CHURC1: variants seen among roughly 807,000 people sequenced by gnomAD.
CHURC1 encodes the protein churchill domain containing 1.
In CHURC1, 12 loss-of-function variants were observed where a neutral mutation model predicts 15.4. The observed-to-expected ratio is 0.78, with a 90% confidence interval of 0.50 to 1.27. The LOEUF is 1.27. Ranked by LOEUF, CHURC1 falls within the 50% of genes most tolerant of loss-of-function variation. The pLI is 0.00. For missense variants in CHURC1, 132 were observed against 137.8 expected, an observed-to-expected ratio of 0.96 and a Z score of 0.21; for synonymous variants, 42 against 47.5, an observed-to-expected ratio of 0.88 and a Z score of 0.48.
At chr14:64,926,124 G>A in intron 3 of CHURC1, 44 bp downstream of exon 3, 1 of 1,398,448 alleles carries the variant, frequency 7.2e-7, no homozygotes, top group Non-Finnish European at 9.8e-7. Flanking sequence ...GGGAGGTTAG[G>A]GGAATAATAA....
chr14:64,925,011 C>G (rs1158926519), intron 2 of CHURC1, among the ~76,000 whole-genome samples: 4 of 152,094 alleles, frequency 2.6e-5, no homozygotes, highest in African/African-American at 2.4e-5. Flanking sequence ...CATATGTTTT[C>G]TTTAAGCTGT....
In CHURC1 at chr14:64,934,059, C is replaced by T. The variant is rs1271314457; in HGVS notation, c.*1829C>T. ...ACTCAGGCACAAAGAAGTTAAATAA[C>T]TTGCCGGGTGCGGTGGCTCACCCCT... On this transcript the variant is annotated 3_prime_UTR_variant, in exon 4 of 4. Transcript: ENST00000549115. The T allele has an allele frequency of 1.0e-6, 1 of 972,096 alleles. No individual in the cohort carries two copies. The highest frequency in any genetic ancestry group is 2.0e-5 in the African/African-American group (1 of 49,856). 60.2% of individuals were successfully genotyped at this position (972,096 alleles called of 1,614,324 possible). A position where few individuals can be genotyped will look rare whatever the true frequency, so the allele number is the denominator to read the frequency against.
In CHURC1 at chr14:64,934,546, T is replaced by C; in HGVS notation, c.*2316T>C. On this transcript the variant is annotated 3_prime_UTR_variant, in exon 4 of 4. Coordinates refer to ENST00000549115, the MANE Select transcript of CHURC1 (RefSeq NM_001386928.1). ...TCTGGGCATGTCAGATGAAGATTTA[T>C]TATTCAGAAAAGTTAAGTCAGCTGT... is the stretch of plus-strand genomic sequence containing the variant. 4.1e-6 allele frequency: 4 copies of C among 985,450 alleles called. No individual in the cohort carries two copies. The highest frequency in any genetic ancestry group is 4.8e-6 in the Non-Finnish European group (4 of 829,932). The allele number at this position is 985,450 out of a possible 1,614,324, so 61.0% of individuals were successfully genotyped here. A position where few individuals can be genotyped will look rare whatever the true frequency, so the allele number is the denominator to read the frequency against.
chr14:64,932,030 C>T, intron 3 of CHURC1, 108 bp from the exon 4 acceptor site: 3 of 1,382,036 alleles, frequency 2.2e-6, no homozygotes, highest in Non-Finnish European at 2.9e-6. Context: ...ATCCAATGTA[C>T]AGAAAGAATA....
chr14:64,919,958 T>C (rs1566827710), intron 1 of CHURC1, among the ~76,000 whole-genome samples: 1 of 149,948 alleles, frequency 6.7e-6, no homozygotes, highest in East Asian at 2.0e-4. Flanking sequence ...AGGAAGGAAA[T>C]AATAAGGATC....
intron 1 of CHURC1, among the ~76,000 whole-genome samples, chr14:64,921,573 T>G (rs1284643647): frequency 6.6e-6 from 1 of 152,174 alleles, no homozygotes; most frequent in Non-Finnish European, 1.5e-5. Flanking sequence ...CTCAACATCA[T>G]TAGTCATCAA....
In CHURC1 at chr14:64,933,936, T is replaced by C. The variant is rs2139926199; in HGVS notation, c.*1706T>C. The C allele has an allele frequency of 1.0e-6, 1 of 985,370 alleles. No homozygotes were observed. The allele number at this position is 985,370 out of a possible 1,614,324, so 61.0% of individuals were successfully genotyped here. ...CATAAGGTAGGTGCTATTGATAGTT[T>C]AGCCATAACCAGATATGGCTTGTTA... On this transcript the variant is annotated 3_prime_UTR_variant, in exon 4 of 4. Coordinates refer to ENST00000549115, the MANE Select transcript of CHURC1 (RefSeq NM_001386928.1).
rs1362961598 is a variant in CHURC1, at chr14:64,933,890, T to C, written c.*1660T>C. ...ATGCTAAGAGCTTTTTAAGCACTTA[T>C]TTAATCCTCATTAACAAATTCATAA... On this transcript the variant is annotated 3_prime_UTR_variant, in exon 4 of 4. Transcript: ENST00000549115. The C allele has an allele frequency of 7.1e-6, 7 of 984,184 alleles. No individual in the cohort carries two copies. The highest frequency in any genetic ancestry group is 8.4e-6 in the Non-Finnish European group (7 of 828,778). The allele number at this position is 984,184 out of a possible 1,614,324, so 61.0% of individuals were successfully genotyped here.
intron 1 of CHURC1, among the ~76,000 whole-genome samples, chr14:64,917,415 TAGCTG>T (rs1412116668): frequency 5.9e-5 from 9 of 152,106 alleles, no homozygotes; most frequent in African/African-American, 1.9e-4. Context: ...ATACAAAAAT[TAGCTG>T]GGTGTGGTGG....
At chr14:64,926,524 A>G (rs953290711) in intron 3 of CHURC1, among the ~76,000 whole-genome samples, 1 of 152,122 alleles carries the variant, frequency 6.6e-6, no homozygotes, top group African/African-American at 2.4e-5. Context: ...TGAGATTACC[A>G]TTGTGCTGCT....
chr14:64,924,656 C>T (rs759086176), intron 2 of CHURC1, among the ~76,000 whole-genome samples: 1 of 151,990 alleles, frequency 6.6e-6, no homozygotes, highest in Non-Finnish European at 1.5e-5. Context: ...TTGTTCCTTA[C>T]TTTTGCTGCT....
At position 64,926,015 on chromosome 14, in the gene CHURC1, TG is replaced by T; in HGVS notation, c.182del (p.Cys61LeufsTer7). 1 of 1,596,394 alleles carries T rather than the reference TG, an allele frequency of 6.3e-7. No individual in the cohort carries two copies. The highest frequency in any genetic ancestry group is 8.5e-7 in the Non-Finnish European group (1 of 1,173,028). On this transcript the variant is annotated frameshift_variant, in exon 3 of 4. Transcript: ENST00000549115. LOFTEE classifies it high-confidence loss of function. ...GTCTCTCTTTGTTTTAGCAGATTTG[TG>T]TAAGAATTGTCATCATGTAATAGCC... ...GEEIVTYDHL[C>X]KNCHHVIARH... is the part of the protein sequence containing the mutation.
chr14:64,933,667 C>T lies in CHURC1; in HGVS notation c.*1437C>T, dbSNP rs1226716532. ...AACAATGAGGTGGCTTCAATTAGTG[C>T]TCATTCTGAGACCTAAATTTAAAGG... On this transcript the variant is annotated 3_prime_UTR_variant, in exon 4 of 4. Transcript: ENST00000549115. 1.0e-6 allele frequency: 1 copy of T among 985,400 alleles called. No individual in the cohort carries two copies. Among genetic ancestry groups the T allele is most frequent in the African/African-American group, 1.7e-5 (1 of 57,354 alleles). 61.0% of individuals were successfully genotyped at this position (985,400 alleles called of 1,614,324 possible).
At position 64,924,078 on chromosome 14, in the gene CHURC1, A is replaced by G. The variant is rs1884506636; in HGVS notation, c.127A>G (p.Asn43Asp). Residue 43 changes from asparagine (N) to aspartate (D), a missense_variant, in exon 2 of 4, where the codon AAC (asparagine) becomes GAC (aspartate). Transcript: ENST00000549115. ...CSKRDFMLIT[N>D]KSLKEEDGEE... ...TAAGCGGGATTTTATGCTGATCACA[A>G]ACAAATCCTTGAAAGAAGAAGATGG... is the stretch of plus-strand genomic sequence containing the variant. 6.2e-7 allele frequency: 1 copy of G among 1,608,038 alleles called. No homozygotes were observed. The highest frequency in any genetic ancestry group is 1.7e-5 in the Admixed American group (1 of 59,212).
At chr14:64,925,867 G>C in intron 2 of CHURC1, 143 bp from the exon 3 acceptor site, 1 of 479,434 alleles carries the variant, frequency 2.1e-6, no homozygotes, top group Non-Finnish European at 3.6e-6. Flanking sequence ...AATCAAGGTA[G>C]ATACTATAAT....
At chr14:64,915,810 T>C (rs1883846509) in intron 1 of CHURC1, among the ~76,000 whole-genome samples, 1 of 152,226 alleles carries the variant, frequency 6.6e-6, no homozygotes. Context: ...CAGCATTATT[T>C]TTGTAGTAGA....
intron 1 of CHURC1, among the ~76,000 whole-genome samples, chr14:64,919,407 T>C (rs1172792096): frequency 6.6e-6 from 1 of 152,226 alleles, no homozygotes; most frequent in Admixed American, 6.5e-5. Flanking sequence ...TATATTCAAG[T>C]TGTTGCTTAG....
At chr14:64,924,313 A>G in intron 2 of CHURC1, 187 bp downstream of exon 2, 2 of 640,412 alleles carry the variant, frequency 3.1e-6, no homozygotes, top group African/African-American at 1.9e-5. Flanking sequence ...GTCTATGTAA[A>G]TGACTTTTGC....
chr14:64,931,254 C>T (rs746684980), intron 3 of CHURC1, among the ~76,000 whole-genome samples: 2 of 152,182 alleles, frequency 1.3e-5, no homozygotes, highest in East Asian at 3.8e-4. Context: ...GGACTTTGGG[C>T]TGGATGCAGT....
Sources: gnomAD v4.1 joint callset for allele counts (sites outside exome capture counted in the v4.1 genomes callset) on GRCh38, gnomAD v4.1.1 for gene constraint, MANE v1.5 for transcripts, NCBI Gene and HGNC (gene_info 2026-07-23, HGNC 2026-07-21) for gene names.